HERC1: variants seen among roughly 807,000 people sequenced by gnomAD.
HERC1 encodes the protein HECT and RLD domain containing E3 ubiquitin protein ligase family member 1, also known as probable E3 ubiquitin-protein ligase HERC1.
A neutral mutation model predicts 554.3 loss-of-function variants in HERC1; 160 were observed. That is an observed-to-expected ratio of 0.29 (90% CI 0.25 to 0.33). The LOEUF is 0.33. HERC1 is among the 10% of genes least tolerant of loss of function. HERC1 has a pLI of 1.00. For missense variants in HERC1, 4,919 were observed against 5,918.5 expected, an observed-to-expected ratio of 0.83 and a Z score of 5.54; for synonymous variants, 2,175 against 2,131.7, an observed-to-expected ratio of 1.02 and a Z score of -0.56.
intron 34 of HERC1, among the ~76,000 whole-genome samples, chr15:63,681,036 TTAA>T (rs1456058090): frequency 3.3e-5 from 5 of 152,192 alleles, no homozygotes; most frequent in African/African-American, 4.8e-5. Flanking sequence ...AACTTACAAC[TTAA>T]TAATGAAGCT....
intron 8 of HERC1, chr15:63,752,458 A>C (rs1438221710): frequency 6.6e-6 from 1 of 152,430 alleles, no homozygotes; most frequent in Non-Finnish European, 1.5e-5. Context: ...AAGCTATAAA[A>C]GTACAAAGCT....
chr15:63,693,963 C>T lies in HERC1; in HGVS notation c.5674+1G>A. The T allele has an allele frequency of 6.4e-7, 1 of 1,550,482 alleles. No homozygotes were observed. On this transcript the variant is annotated splice_donor_variant, in intron 30 of 77. Transcript: ENST00000443617. LOFTEE classifies it high-confidence loss of function. ...AAGACAGAGAAAGAGGCTTACATTA[C>T]CTCTGAAATCTTTCTTCTCAGTTTC...
At chr15:63,832,313 A>G (rs2078185223) in intron 1 of HERC1, among the ~76,000 whole-genome samples, 1 of 152,158 alleles carries the variant, frequency 6.6e-6, no homozygotes, top group African/African-American at 2.4e-5. Flanking sequence ...ACGTACATTT[A>G]TGCATAAGAC....
At chr15:63,717,367 G>GT in intron 21 of HERC1, among the ~76,000 whole-genome samples, 1 of 152,292 alleles carries the variant, frequency 6.6e-6, no homozygotes, top group African/African-American at 2.4e-5. Context: ...AAAGAGTTTG[G>GT]TTTTTTAAAT....
chr15:63,828,037 G>C (rs925943260), intron 1 of HERC1, among the ~76,000 whole-genome samples: 2 of 151,754 alleles, frequency 1.3e-5, no homozygotes, highest in Non-Finnish European at 2.9e-5. Context: ...TCCGGAATTA[G>C]ATAGTTGTGA....
intron 54 of HERC1, 73 bp from the exon 55 acceptor site, chr15:63,648,272 T>C (rs2069463103): frequency 1.4e-6 from 2 of 1,401,826 alleles, no homozygotes. Flanking sequence ...GACAGAGACT[T>C]TGAAACAAAT....
At chr15:63,660,038 GC>G in intron 46 of HERC1, 102 bp from the exon 47 acceptor site, 1 of 950,748 alleles carries the variant, frequency 1.1e-6, no homozygotes, top group Non-Finnish European at 1.6e-6. Flanking sequence ...CAGATGAGCA[GC>G]CAGATGCGAT....
At chr15:63,833,792 G>A (rs185531687) in intron 1 of HERC1, 35 bp downstream of exon 1, 1 of 135,974 alleles carries the variant, frequency 7.4e-6, no homozygotes, top group Non-Finnish European at 1.5e-5. Flanking sequence ...CACACACACA[G>A]GACCAGGAGG....
At chr15:63,679,452 T>C (rs962748644) in intron 36 of HERC1, among the ~76,000 whole-genome samples, 1 of 152,236 alleles carries the variant, frequency 6.6e-6, no homozygotes, top group Non-Finnish European at 1.5e-5. Flanking sequence ...AAGCTTCTAC[T>C]ACATAATGGC....
chr15:63,667,686 T>C (rs914408000), intron 40 of HERC1, among the ~76,000 whole-genome samples: 1 of 152,188 alleles, frequency 6.6e-6, no homozygotes, highest in Admixed American at 6.5e-5. Flanking sequence ...TATGAAGTGG[T>C]ACAATATCAC....
intron 34 of HERC1, among the ~76,000 whole-genome samples, chr15:63,685,152 T>G (rs1486118284): frequency 2.0e-4 from 30 of 152,230 alleles, no homozygotes; most frequent in Non-Finnish European, 5.9e-5. Flanking sequence ...TCCTGCAGTT[T>G]CCACAAAACA....
At chr15:63,784,858 A>C (rs2076392057) in intron 1 of HERC1, among the ~76,000 whole-genome samples, 1 of 152,098 alleles carries the variant, frequency 6.6e-6, no homozygotes, top group African/African-American at 2.4e-5. Flanking sequence ...TGATCAGCCC[A>C]CCTCGGCCTC....
At chr15:63,830,911 T>C (rs150324932) in intron 1 of HERC1, among the ~76,000 whole-genome samples, 350 of 152,334 alleles carry the variant, frequency 2.3e-3, no homozygotes, top group Middle Eastern at 3.4e-3. Flanking sequence ...ACAACTACTT[T>C]ATGCTCTTTT....
chr15:63,623,452 T>C (rs1185463184), intron 73 of HERC1, among the ~76,000 whole-genome samples: 1 of 152,224 alleles, frequency 6.6e-6, no homozygotes, highest in African/African-American at 2.4e-5. Flanking sequence ...ATATATGCCA[T>C]TGTTATTCTG....
At chr15:63,632,127 C>T (rs370776298) in intron 68 of HERC1, among the ~76,000 whole-genome samples, 1 of 152,140 alleles carries the variant, frequency 6.6e-6, no homozygotes, top group Non-Finnish European at 1.5e-5. Flanking sequence ...CTTACCCTTC[C>T]CCACAAACCA....
At chr15:63,704,483 A>AT (rs1241367550) in intron 25 of HERC1, among the ~76,000 whole-genome samples, 1 of 152,214 alleles carries the variant, frequency 6.6e-6, no homozygotes, top group African/African-American at 2.4e-5. Flanking sequence ...TGGATTTCTT[A>AT]TGCTACTCAG....
chr15:63,615,938 CAG>C lies in HERC1; in HGVS notation c.13942-20_13942-19del, dbSNP rs2067795151. ...GGAATCATCTAGGAACAGAAGAAAA[CAG>C]AATTTTTATTACATGGTAGAAATGA... On this transcript the variant is annotated intron_variant, in intron 75 of 77. Transcript: ENST00000443617. The C allele has an allele frequency of 6.4e-7, 1 of 1,560,682 alleles. No individual in the cohort carries two copies. Among genetic ancestry groups the C allele is most frequent in the Non-Finnish European group, 8.6e-7 (1 of 1,157,814 alleles).
At chr15:63,801,003 C>T (rs35494311) in intron 1 of HERC1, among the ~76,000 whole-genome samples, 4,736 of 152,226 alleles carry the variant, frequency 0.031, 198 homozygotes, top group East Asian at 0.24. Context: ...ACCAAGCCTA[C>T]GTAATGCAGC....
intron 74 of HERC1, among the ~76,000 whole-genome samples, chr15:63,618,187 G>C (rs1331388324): frequency 6.6e-6 from 1 of 150,890 alleles, no homozygotes; most frequent in African/African-American, 2.4e-5. Context: ...TTTGTATAAG[G>C]TGTAAGGAAG....
Sources: gnomAD v4.1 joint callset for allele counts (sites outside exome capture counted in the v4.1 genomes callset) on GRCh38, gnomAD v4.1.1 for gene constraint, MANE v1.5 for transcripts, NCBI Gene and HGNC (gene_info 2026-07-23, HGNC 2026-07-21) for gene names.